GRID2: variants seen among roughly 807,000 people sequenced by gnomAD.
GRID2 encodes the protein glutamate ionotropic receptor delta type subunit 2.
Under a neutral mutation model 114.8 loss-of-function variants are expected in GRID2, and 33 were observed. The observed-to-expected ratio is 0.29, with a 90% CI of 0.22 to 0.38. The LOEUF is 0.38. GRID2 is among the 10% of genes least tolerant of loss of function. GRID2 has a pLI of 1.00. For missense variants in GRID2, 1,184 were observed against 1,257.7 expected (o/e 0.94, Z 0.89); for synonymous variants, 505 against 449.9 (o/e 1.12, Z -1.55).
chr4:92,741,884 C>G (rs896706947), intron 2 of GRID2, among the ~76,000 whole-genome samples: 8 of 152,148 alleles, frequency 5.3e-5, no homozygotes, highest in African/African-American at 1.9e-4. Flanking sequence ...AGCCCTTACA[C>G]TTTTATAAGC....
chr4:93,068,026 T>C (rs755550559), intron 2 of GRID2, among the ~76,000 whole-genome samples: 1 of 152,070 alleles, frequency 6.6e-6, no homozygotes, highest in Non-Finnish European at 1.5e-5. Context: ...TGGTATTACC[T>C]TTTCTTTTTT....
chr4:93,297,608 C>G (rs996109548), intron 8 of GRID2, among the ~76,000 whole-genome samples: 5 of 152,044 alleles, frequency 3.3e-5, no homozygotes, highest in Non-Finnish European at 7.4e-5. Context: ...ATTATTTTAT[C>G]TATCTACTCA....
chr4:93,253,870 A>T (rs555764422), intron 8 of GRID2, among the ~76,000 whole-genome samples: 312 of 152,248 alleles, frequency 2.0e-3, no homozygotes, highest in African/African-American at 7.1e-3. Flanking sequence ...AAGGTTGTCG[A>T]TATAGGTTCC....
In GRID2 at chr4:93,669,723, C is replaced by T. The variant is rs1724242297; in HGVS notation, c.2360+43288C>T. 2.6e-5 allele frequency among the ~76,000 whole-genome samples: 4 copies of T among 152,048 alleles called. No individual in the cohort carries two copies. The South Asian group carries it at 8.3e-4, about 32-fold the overall frequency. ...TTCAAAGAGATGGATGGGGGAACTGCACATCAGTTTCTCCAGACAGTATAT... is the reference window on the plus strand; with the variant it reads ...TTCAAAGAGATGGATGGGGGAACTGTACATCAGTTTCTCCAGACAGTATAT... On this transcript the variant is annotated intron_variant, in intron 14 of 15. Transcript: ENST00000282020.
intron 8 of GRID2, among the ~76,000 whole-genome samples, chr4:93,371,913 AATTTTT>A (rs1225950174): frequency 5.3e-5 from 8 of 151,724 alleles, no homozygotes; most frequent in Admixed American, 2.0e-4. Flanking sequence ...ACACCCGGCT[AATTTTT>A]GTATTCTTAG....
intron 1 of GRID2, among the ~76,000 whole-genome samples, chr4:92,476,709 G>A (rs1560656963): frequency 6.6e-6 from 1 of 151,986 alleles, no homozygotes. Context: ...AAATAACATA[G>A]CATTTAAAGC....
At position 93,455,757 on chromosome 4, in the gene GRID2, A is replaced by G. The variant is rs1317913116; in HGVS notation, c.1641A>G (p.Val547=). The G allele has an allele frequency of 3.1e-6, 5 of 1,610,944 alleles. No individual in the cohort carries two copies. Among genetic ancestry groups the G allele is most frequent in the Non-Finnish European group, 4.2e-6 (5 of 1,177,250 alleles). ...TTRYMDYSVG[V]LLRRAEKTVD... is the part of the protein sequence containing the mutation. The stretch of plus-strand genomic sequence containing the variant: ...GTTACATGGACTACTCAGTGGGGGT[A>G]CTACTTCGAAGGGCTGAAAAGACAG... The change falls in exon 11 of 16, where the codon GTA becomes GTG. Residue 547 remains valine, a synonymous_variant. Coordinates refer to ENST00000282020, the MANE Select transcript of GRID2 (RefSeq NM_001510.4).
intron 1 of GRID2, among the ~76,000 whole-genome samples, chr4:92,405,067 C>A (rs577901003): frequency 5.1e-4 from 78 of 152,218 alleles, no homozygotes; most frequent in African/African-American, 1.8e-3. Context: ...TGATTCTAAG[C>A]ATTCTGTAAC....
Position 92,485,316 on chromosome 4 carries a change from A to AG in GRID2, c.89-104815_89-104814insG, listed in dbSNP as rs1486794816. On this transcript the variant is annotated intron_variant, in intron 1 of 15. Coordinates refer to ENST00000282020, the MANE Select transcript of GRID2 (RefSeq NM_001510.4). ...AAGGTGTGTGCATATATATATATAT[A>AG]TATATATATATATATATATATATAT... Among the ~76,000 whole-genome samples the AG allele has an allele frequency of 9.4e-5, 8 of 85,508 alleles. 1 individual carries two copies. The South Asian group carries it at 1.1e-3, about 12-fold the overall frequency. 56.1% of individuals were successfully genotyped at this position (85,508 alleles called of 152,430 possible).
In GRID2 at chr4:93,681,670, C is replaced by G. The variant is rs185298118; in HGVS notation, c.2360+55235C>G. Among the ~76,000 whole-genome samples the G allele has an allele frequency of 2.6e-3, 391 of 152,080 alleles. 3 individuals carry two copies. The South Asian group carries it at 0.034, about 13-fold the overall frequency. ...TCTTTGACAAACCTGACAAAAACAACCAATGGGGAAAGGATTCCCTATTTA... is the reference window on the plus strand; with the variant it reads ...TCTTTGACAAACCTGACAAAAACAAGCAATGGGGAAAGGATTCCCTATTTA... On this transcript the variant is annotated intron_variant, in intron 14 of 15. Transcript: ENST00000282020.
At chr4:92,306,652 C>A (rs535112920) in intron 1 of GRID2, among the ~76,000 whole-genome samples, 8 of 152,292 alleles carry the variant, frequency 5.3e-5, no homozygotes, top group African/African-American at 1.9e-4. Context: ...TTTACAAATA[C>A]CTACAGCTTT....
At chr4:92,857,576 G>A (rs1276166013) in intron 2 of GRID2, among the ~76,000 whole-genome samples, 2 of 152,178 alleles carry the variant, frequency 1.3e-5, no homozygotes, top group Admixed American at 1.3e-4. Context: ...AAAGAGGTAA[G>A]GAAGCTGCAG....
chr4:92,432,401 C>T (rs867474746), intron 1 of GRID2, among the ~76,000 whole-genome samples: 1 of 151,970 alleles, frequency 6.6e-6, no homozygotes, highest in Non-Finnish European at 1.5e-5. Context: ...AGTCACAAAC[C>T]TTAGGAATCT....
chr4:93,565,387 G>A (rs796994524), intron 13 of GRID2, among the ~76,000 whole-genome samples: 54 of 152,176 alleles, frequency 3.5e-4, no homozygotes, highest in African/African-American at 1.2e-3. Flanking sequence ...AGTGTACAAG[G>A]TGCCTTTCTT....
intron 2 of GRID2, among the ~76,000 whole-genome samples, chr4:92,594,661 T>C (rs11724455): frequency 0.086 from 13,062 of 151,982 alleles, 663 homozygotes; most frequent in East Asian, 0.17. Flanking sequence ...TTACCACCAA[T>C]AGAATTCAAA....
intron 14 of GRID2, among the ~76,000 whole-genome samples, chr4:93,699,603 A>T (rs566469206): frequency 6.6e-6 from 1 of 152,256 alleles, no homozygotes; most frequent in South Asian, 2.1e-4. Flanking sequence ...AGAAGCTGGA[A>T]TTAAAACCCA....
intron 2 of GRID2, among the ~76,000 whole-genome samples, chr4:92,980,056 C>G (rs1754096105): frequency 6.6e-6 from 1 of 152,042 alleles, no homozygotes; most frequent in South Asian, 2.1e-4. Flanking sequence ...TATTCCCATG[C>G]TAATATTTGC....
chr4:93,267,167 T>A (rs1750934724), intron 8 of GRID2, among the ~76,000 whole-genome samples: 1 of 16,070 alleles, frequency 6.2e-5, no homozygotes, highest in Admixed American at 1.1e-3. Flanking sequence ...CACACATTTC[T>A]TTTTTTTTTT....
At chr4:93,468,082 T>C (rs1724460235) in intron 11 of GRID2, among the ~76,000 whole-genome samples, 1 of 152,206 alleles carries the variant, frequency 6.6e-6, no homozygotes, top group African/African-American at 2.4e-5. Flanking sequence ...CCCCAAAATA[T>C]ATGTCTGAAT....
Sources: allele counts gnomAD v4.1 joint callset (sites outside exome capture counted in the v4.1 genomes callset), GRCh38; gene constraint gnomAD v4.1.1; transcripts MANE v1.5; gene names NCBI Gene and HGNC (gene_info 2026-07-23, HGNC 2026-07-21).